Variants in NBEAL1 observed in about 807,000 individuals in gnomAD.
NBEAL1 encodes the protein neurobeachin-like protein 1.
NBEAL1 carries 273 observed loss-of-function variants against 351.3 expected under a neutral mutation model. The ratio of observed to expected loss-of-function variants is 0.78; its 90% CI spans 0.70 to 0.86. The LOEUF (loss-of-function observed/expected upper bound fraction) is 0.86. NBEAL1 is among the 40% of genes least tolerant of loss of function. The pLI, the probability that NBEAL1 is intolerant of heterozygous loss-of-function variation, is 0.00. For synonymous variants in NBEAL1, 1,050 were observed against 1,086.4 expected, an observed-to-expected ratio of 0.97 and a Z score of 0.66; for missense variants, 2,961 against 3,201.3, an observed-to-expected ratio of 0.92 and a Z score of 1.81.
chr2:203,118,835 C>T (rs1202211402), intron 18 of NBEAL1, among the ~76,000 whole-genome samples: 6 of 152,114 alleles, frequency 3.9e-5, no homozygotes, highest in Admixed American at 1.3e-4. Context: ...GTGATCCGCC[C>T]GCCTTGGCCT....
intron 31 of NBEAL1, among the ~76,000 whole-genome samples, chr2:203,144,084 G>A (rs779633596): frequency 1.1e-4 from 16 of 151,644 alleles, no homozygotes; most frequent in South Asian, 6.3e-4. Context: ...GGTGGCAGGC[G>A]CCTGTAATCC....
chr2:203,165,949 G>A (rs944290825), intron 36 of NBEAL1, among the ~76,000 whole-genome samples, 200 bp from the exon 37 acceptor site: 1 of 152,078 alleles, frequency 6.6e-6, no homozygotes, highest in Non-Finnish European at 1.5e-5. Flanking sequence ...AGGCTGAGGT[G>A]GGAGGATTGC....
Position 203,199,450 on chromosome 2 carries a change from A to G in NBEAL1, c.7238+3A>G. ...GATCAAACTGTGACAAATCCAAAGT[A>G]AGTAAATGAATATGTAAAGCAAAAT... is the stretch of plus-strand genomic sequence containing the variant. On this transcript the variant is annotated splice_donor_region_variant and intron_variant, in intron 49 of 55. Transcript: ENST00000683969. 1 of 1,499,116 alleles carries G rather than the reference A, an allele frequency of 6.7e-7. No individual in the cohort carries two copies. Among genetic ancestry groups the G allele is most frequent in the African/African-American group, 1.4e-5 (1 of 72,686 alleles). The allele number at this position is 1,499,116 out of a possible 1,614,324, so 92.9% of individuals were successfully genotyped here.
intron 41 of NBEAL1, among the ~76,000 whole-genome samples, chr2:203,173,345 T>C (rs2064383017): frequency 6.6e-6 from 1 of 152,158 alleles, no homozygotes; most frequent in Non-Finnish European, 1.5e-5. Flanking sequence ...GTTTATGATC[T>C]ACCCTGTCAA....
At position 203,180,450 on chromosome 2, in the gene NBEAL1, A is replaced by G. The variant is rs759685414; in HGVS notation, c.6533A>G (p.Tyr2178Cys). 1.2e-6 allele frequency: 2 copies of G among 1,612,434 alleles called. No homozygotes were observed. Among genetic ancestry groups the G allele is most frequent in the Non-Finnish European group, 8.5e-7 (1 of 1,178,998 alleles). The part of the protein sequence containing the change: ...ATWQALMDNP[Y>C]DVKELIPEFF... ...TGGCAAGCTCTTATGGATAATCCAT[A>G]TGATGTTAAAGAACTTATTCCTGAA... The change falls in exon 43 of 56, where the codon TAT becomes TGT. Residue 2178 changes from tyrosine to cysteine, a missense_variant. Coordinates refer to ENST00000683969, the MANE Select transcript of NBEAL1 (RefSeq NM_001378026.1).
chr2:203,157,558 AAATC>A (rs2063828611), intron 35 of NBEAL1, 137 bp from the exon 36 acceptor site: 1 of 506,286 alleles, frequency 2.0e-6, no homozygotes, highest in African/African-American at 2.0e-5. Flanking sequence ...GGATTACTCT[AAATC>A]AAAGTACCGT....
chr2:203,152,256 C>A (rs2063675366), intron 35 of NBEAL1, among the ~76,000 whole-genome samples: 1 of 151,640 alleles, frequency 6.6e-6, no homozygotes, highest in Non-Finnish European at 1.5e-5. Flanking sequence ...CCGCACCCAG[C>A]CATAATTCTT....
rs566187961 is a variant in NBEAL1, at chr2:203,110,130, A to G, written c.1950-20A>G. The G allele has an allele frequency of 1.3e-6, 2 of 1,542,714 alleles. No individual in the cohort carries two copies. Among genetic ancestry groups the G allele is most frequent in the East Asian group, 4.9e-5 (2 of 40,732 alleles). Reference sequence around the variant, plus strand: ...TGAACAACCAACTTTAAAAGTTCTGATAATACGTATTTTTTTTAGTTTTTT... The same window carrying G: ...TGAACAACCAACTTTAAAAGTTCTGGTAATACGTATTTTTTTTAGTTTTTT... On this transcript the variant is annotated intron_variant, in intron 14 of 55. Coordinates refer to ENST00000683969, the MANE Select transcript of NBEAL1 (RefSeq NM_001378026.1).
In NBEAL1 at chr2:203,209,161, G is replaced by C. The variant is rs755012740; in HGVS notation, c.7624G>C (p.Asp2542His). The part of the protein sequence containing the change: ...ELDMAVSGSR[D>H]GTVIIHTIQK... ...ATTTTCTGATATATCCTGTGTGTAG[G>C]ATGGAACGGTGATTATACATACCAT... The change falls in exon 53 of 56, where the codon GAT becomes CAT. Residue 2542 changes from aspartate (D) to histidine (H), a missense_variant and splice_region_variant. Asp to His is a moderately conservative substitution (Grantham distance 81). Transcript: ENST00000683969. 6.2e-7 allele frequency: 1 copy of C among 1,610,660 alleles called. No individual in the cohort carries two copies. Among genetic ancestry groups the C allele is most frequent in the Non-Finnish European group, 8.5e-7 (1 of 1,177,336 alleles).
intron 10 of NBEAL1, among the ~76,000 whole-genome samples, chr2:203,087,980 A>G (rs2061998978): frequency 6.6e-6 from 1 of 152,218 alleles, no homozygotes; most frequent in Admixed American, 6.5e-5. Context: ...CAGAAGCAAA[A>G]TGTATTTGGT....
chr2:203,127,911 A>C lies in NBEAL1; in HGVS notation c.3379A>C (p.Ile1127Leu), dbSNP rs983141405. 10 of 1,551,276 alleles carry C rather than the reference A, an allele frequency of 6.4e-6. No homozygotes were observed. The Admixed American group carries it at 2.0e-4, about 31-fold the overall frequency. ...AGAGATACAAAGTATTATGGGGTAC[A>C]TAGCTGCTACTAATGAAGAAGAACA... ...HEEIQSIMGY[I>L]AATNEEEQLF... Residue 1127 changes from isoleucine to leucine, a missense_variant, in exon 24 of 56, where the codon ATA (isoleucine) becomes CTA (leucine). Physicochemically the swap from Ile to Leu is conservative, Grantham distance 5. Coordinates refer to ENST00000683969, the MANE Select transcript of NBEAL1 (RefSeq NM_001378026.1).
At chr2:203,208,283 G>A (rs1321485259) in intron 51 of NBEAL1, among the ~76,000 whole-genome samples, 1 of 151,980 alleles carries the variant, frequency 6.6e-6, no homozygotes, top group Non-Finnish European at 1.5e-5. Flanking sequence ...GAGAGACCCT[G>A]TCTCAAAAAA....
At chr2:203,064,220 A>AT (rs2061545292) in intron 6 of NBEAL1, among the ~76,000 whole-genome samples, 3 of 151,700 alleles carry the variant, frequency 2.0e-5, no homozygotes, top group Admixed American at 6.6e-5. Flanking sequence ...TGCCCAGCAA[A>AT]TTTTTTATTT....
Position 203,191,200 on chromosome 2 carries a change from T to C in NBEAL1, c.6921+811T>C, listed in dbSNP as rs1158823665. ...CCTGGGGACTGCCCAGTCTGTGGGC[T>C]GTAATGTTGATGGCCGCCATCCTCA... On this transcript the variant is annotated intron_variant, in intron 46 of 55. Coordinates refer to ENST00000683969, the MANE Select transcript of NBEAL1 (RefSeq NM_001378026.1). The C allele has an allele frequency of 2.6e-6, 4 of 1,559,102 alleles. No individual in the cohort carries two copies. In the South Asian group the frequency reaches 4.4e-5, roughly 17 times the overall value.
Position 203,217,612 on chromosome 2 carries a change from C to T in NBEAL1, c.*258C>T. The T allele has an allele frequency of 1.9e-6, 2 of 1,035,436 alleles. No homozygotes were observed. The highest frequency in any genetic ancestry group is 2.4e-6 in the Non-Finnish European group (2 of 850,340). The allele number at this position is 1,035,436 out of a possible 1,614,324, so 64.1% of individuals were successfully genotyped here. On this transcript the variant is annotated 3_prime_UTR_variant, in exon 56 of 56. Coordinates refer to ENST00000683969, the MANE Select transcript of NBEAL1 (RefSeq NM_001378026.1). ...TTTTTAAAACAAACTAAAATGAGAA[C>T]ATTAGGTTCAATTTTCTTATTATTC...
chr2:203,109,934 C>G (rs1225915169), intron 14 of NBEAL1, among the ~76,000 whole-genome samples: 1 of 152,132 alleles, frequency 6.6e-6, no homozygotes, highest in Non-Finnish European at 1.5e-5. Flanking sequence ...TGGAATTCCA[C>G]TTTACAAGGC....
chr2:203,192,385 A>ATTT (rs753136759), intron 46 of NBEAL1, among the ~76,000 whole-genome samples: 1 of 144,722 alleles, frequency 6.9e-6, no homozygotes, highest in Admixed American at 6.9e-5. Flanking sequence ...TTAAAAGATA[A>ATTT]TTTTTTTTTT....
In NBEAL1 at chr2:203,091,983, A is replaced by C. The variant is rs1322538735; in HGVS notation, c.1099-5564A>C. Among the ~76,000 whole-genome samples the C allele has an allele frequency of 2.6e-5, 4 of 152,170 alleles. No individual in the cohort carries two copies. In the East Asian group the frequency reaches 7.7e-4, roughly 29 times the overall value. On this transcript the variant is annotated intron_variant, in intron 10 of 55. Coordinates refer to ENST00000683969, the MANE Select transcript of NBEAL1 (RefSeq NM_001378026.1). ...GTCTATATAATATTGTATTAAGTGG[A>C]TGTACCATAATTTACTTAACTACAC...
chr2:203,139,557 CTT>C (rs370861737), intron 31 of NBEAL1, among the ~76,000 whole-genome samples: 7 of 67,664 alleles, frequency 1.0e-4, no homozygotes, highest in African/African-American at 2.5e-4. Context: ...CCACCCCCAC[CTT>C]TTTTTTTTTT....
Sources: gnomAD v4.1 joint callset for allele counts (sites outside exome capture counted in the v4.1 genomes callset) on GRCh38, gnomAD v4.1.1 for gene constraint, MANE v1.5 for transcripts, NCBI Gene and HGNC (gene_info 2026-07-23, HGNC 2026-07-21) for gene names.